The following TPTE variants were observed in gnomAD, a reference collection of about 807,000 sequenced individuals.
TPTE encodes putative tyrosine-protein phosphatase TPTE.
In TPTE, 59 loss-of-function variants were observed where a neutral mutation model predicts 84.1. The ratio of observed to expected loss-of-function variants is 0.70; its 90% CI spans 0.57 to 0.87. TPTE has a LOEUF of 0.87. Among genes scored for constraint, TPTE ranks in the 40% least tolerant of loss-of-function variants. TPTE has a pLI of 0.00. For synonymous variants in TPTE, 130 were observed against 223.5 expected, an observed-to-expected ratio of 0.58 and a Z score of 3.73; for missense variants, 382 against 659.6, an observed-to-expected ratio of 0.58 and a Z score of 4.61.
chr21:10,538,509 A>G (rs1026309050), intron 3 of TPTE, among the ~76,000 whole-genome samples, 172 bp from the exon 4 acceptor site: 1 of 152,298 alleles, frequency 6.6e-6, no homozygotes, highest in Non-Finnish European at 1.5e-5. Context: ...TTGCCATCAT[A>G]TAAATCCTCC....
chr21:10,533,531 C>T (rs898479913), intron 3 of TPTE, among the ~76,000 whole-genome samples: 14 of 152,424 alleles, frequency 9.2e-5, no homozygotes, highest in Middle Eastern at 3.4e-3. Flanking sequence ...ATTGGCTACT[C>T]TGGTCATTTG....
At chr21:10,583,898 A>G (rs577926836) in intron 17 of TPTE, among the ~76,000 whole-genome samples, 66 of 152,292 alleles carry the variant, frequency 4.3e-4, no homozygotes, top group African/African-American at 1.4e-3. Flanking sequence ...TAGCACAACT[A>G]TCTTACTGTA....
rs1275704032 is a variant in TPTE at position 10,524,577 on chromosome 21, T to G, written c.-210-3T>G. The stretch of plus-strand genomic sequence containing the variant: ...GGATCTTGATTAAATTTCTCCCTCT[T>G]AGAGAATGTTGGACCGACGACACAA... On this transcript the variant is annotated splice_region_variant and splice_polypyrimidine_tract_variant and intron_variant, in intron 1 of 23. Coordinates refer to ENST00000618007, the MANE Select transcript of TPTE (RefSeq NM_199261.4). 2.0e-5 allele frequency: 3 copies of G among 152,468 alleles called. No homozygotes were observed. Among genetic ancestry groups the G allele is most frequent in the Non-Finnish European group, 4.4e-5 (3 of 68,158 alleles). 9.4% of individuals were successfully genotyped at this position (152,468 alleles called of 1,614,324 possible). A position where few individuals can be genotyped will look rare whatever the true frequency, so the allele number is the denominator to read the frequency against.
chr21:10,585,241 CAAAA>C (rs61644136), intron 17 of TPTE, among the ~76,000 whole-genome samples: 617 of 143,982 alleles, frequency 4.3e-3, no homozygotes, highest in African/African-American at 0.014. Context: ...AAAAATGAAA[CAAAA>C]AAAAAAAAAA....
intron 4 of TPTE, among the ~76,000 whole-genome samples, chr21:10,539,472 G>T (rs567085965): frequency 2.0e-5 from 3 of 152,300 alleles, no homozygotes; most frequent in African/African-American, 4.8e-5. Context: ...CCATAGATGG[G>T]ATTAGGAGGA....
intron 19 of TPTE, among the ~76,000 whole-genome samples, chr21:10,594,413 G>A (rs1304412238): frequency 6.6e-6 from 1 of 152,306 alleles, no homozygotes; most frequent in Non-Finnish European, 1.5e-5. Flanking sequence ...CAAAGCCCGT[G>A]GCTTACCCAT....
At chr21:10,591,450 A>C (rs1373380841) in intron 18 of TPTE, among the ~76,000 whole-genome samples, 1 of 152,312 alleles carries the variant, frequency 6.6e-6, no homozygotes, top group Middle Eastern at 3.2e-3. Flanking sequence ...TTTATCAGTG[A>C]GTTTTAAAAT....
At chr21:10,558,888 G>A (rs930963947) in intron 8 of TPTE, among the ~76,000 whole-genome samples, 2 of 152,414 alleles carry the variant, frequency 1.3e-5, no homozygotes, top group East Asian at 1.9e-4. Context: ...CATCAAACAG[G>A]TTCTCCTTCC....
intron 10 of TPTE, among the ~76,000 whole-genome samples, chr21:10,563,406 G>A (rs545408574): frequency 3.9e-4 from 60 of 152,372 alleles, no homozygotes; most frequent in African/African-American, 1.4e-3. Context: ...ACTCTAAGTA[G>A]AGAGACTAAA....
chr21:10,577,123 ATTAGAT>A (rs541117349), intron 14 of TPTE, among the ~76,000 whole-genome samples: 1,147 of 150,268 alleles, frequency 7.6e-3, no homozygotes, highest in South Asian at 0.043. Flanking sequence ...ACGAATATGA[ATTAGAT>A]TTAAACAAGA....
Position 10,538,754 on chromosome 21 carries a change from G to A in TPTE, c.11+20G>A, listed in dbSNP as rs1450724752. On this transcript the variant is annotated intron_variant, in intron 4 of 23. Coordinates refer to ENST00000618007, the MANE Select transcript of TPTE (RefSeq NM_199261.4). Reference sequence around the variant, plus strand: ...TGAAAGGTGAGTTATGCGTACGTGTGTCTTTATTTATCGAATTATAACTGA... The same window carrying A: ...TGAAAGGTGAGTTATGCGTACGTGTATCTTTATTTATCGAATTATAACTGA... 8 of 1,614,076 alleles carry A rather than the reference G, an allele frequency of 5.0e-6. No homozygotes were observed. Among genetic ancestry groups the A allele is most frequent in the Non-Finnish European group, 6.8e-6 (8 of 1,179,878 alleles).
chr21:10,544,454 G>A (rs1431765533), intron 7 of TPTE, among the ~76,000 whole-genome samples: 4 of 152,418 alleles, frequency 2.6e-5, no homozygotes, highest in African/African-American at 9.6e-5. Flanking sequence ...GCGTGATCTC[G>A]GCTCACTGTA....
chr21:10,584,512 A>AT (rs1326926389), intron 17 of TPTE, among the ~76,000 whole-genome samples: 1 of 152,386 alleles, frequency 6.6e-6, no homozygotes, highest in Non-Finnish European at 1.5e-5. Context: ...TAATTTTTTC[A>AT]TTTTTTTGTA....
At chr21:10,587,112 T>C (rs1176670079) in intron 17 of TPTE, among the ~76,000 whole-genome samples, 1 of 152,312 alleles carries the variant, frequency 6.6e-6, no homozygotes, top group Non-Finnish European at 1.5e-5. Context: ...TCAATGAATA[T>C]GATAAATTGC....
At chr21:10,582,717 A>T in intron 17 of TPTE, among the ~76,000 whole-genome samples, 1 of 152,364 alleles carries the variant, frequency 6.6e-6, no homozygotes, top group Non-Finnish European at 1.5e-5. Context: ...TCCAATTTTT[A>T]TTGTGATGAA....
chr21:10,528,499 T>C (rs1456929089), intron 3 of TPTE, among the ~76,000 whole-genome samples: 1 of 152,310 alleles, frequency 6.6e-6, no homozygotes, highest in Non-Finnish European at 1.5e-5. Context: ...GTTGTTCAAA[T>C]AAGTTGGTCA....
chr21:10,583,092 G>A (rs1322031325), intron 17 of TPTE, among the ~76,000 whole-genome samples: 1 of 152,312 alleles, frequency 6.6e-6, no homozygotes, highest in East Asian at 1.9e-4. Flanking sequence ...CATTTTTGTT[G>A]AATGTATACC....
intron 3 of TPTE, among the ~76,000 whole-genome samples, chr21:10,538,202 A>G (rs1325567935): frequency 6.6e-6 from 1 of 152,308 alleles, no homozygotes; most frequent in East Asian, 1.9e-4. Context: ...GAACTCTGCC[A>G]CAATACAGGG....
At chr21:10,529,125 A>C (rs2074132854) in intron 3 of TPTE, among the ~76,000 whole-genome samples, 1 of 152,212 alleles carries the variant, frequency 6.6e-6, no homozygotes, top group Non-Finnish European at 1.5e-5. Context: ...CAGAAGTTGC[A>C]GTGAGCTGAG....
Sources: gnomAD v4.1 joint callset for allele counts (sites outside exome capture counted in the v4.1 genomes callset) on GRCh38, gnomAD v4.1.1 for gene constraint, MANE v1.5 for transcripts, NCBI Gene and HGNC (gene_info 2026-07-23, HGNC 2026-07-21) for gene names.